LIMCH1: variants seen among roughly 807,000 people sequenced by gnomAD.
LIMCH1 encodes LIM and calponin homology domains-containing protein 1.
A neutral mutation model predicts 176.5 loss-of-function variants in LIMCH1; 113 were observed. The observed-to-expected ratio is 0.64, with a 90% CI of 0.55 to 0.75. The LOEUF is 0.75. Among genes scored for constraint, LIMCH1 ranks in the 30% least tolerant of loss-of-function variants. The pLI is 0.00. For synonymous variants in LIMCH1, 619 were observed against 645.9 expected (o/e 0.96, Z 0.63); for missense variants, 1,674 against 1,814.9 (o/e 0.92, Z 1.41).
At chr4:41,360,608 G>A (rs2154089777), upstream of LIMCH1, 1 of 265,796 alleles carries the variant, frequency 3.8e-6, no homozygotes, top group South Asian at 1.7e-4. The surrounding 1 kb of genome is among the most constrained non-coding windows in gnomAD (Gnocchi z 4.5). Context: ...CGGCGCCTCC[G>A]CGCTCGCTCC....
chr4:41,577,726 G>C (rs2152659827), intron 1 of LIMCH1, among the ~76,000 whole-genome samples: 1 of 152,284 alleles, frequency 6.6e-6, no homozygotes, highest in African/African-American at 2.4e-5. Flanking sequence ...ACCACGCCTT[G>C]CCACAAGTGA....
chr4:41,666,210 A>T lies in LIMCH1; in HGVS notation c.3292-351A>T, dbSNP rs183129019. ...TGGAACATCTAAATCTCCTGACATT[A>T]CAGATTCAGTTTTGTGTGGTACCAT... On this transcript the variant is annotated intron_variant, in intron 20 of 31. Coordinates refer to ENST00000503057, the MANE Select transcript of LIMCH1 (RefSeq NM_001330672.2). Among the ~76,000 whole-genome samples the T allele has an allele frequency of 2.2e-3, 333 of 152,348 alleles. 1 individual carries two copies. The highest frequency in any genetic ancestry group is 7.7e-3 in the African/African-American group (320 of 41,588).
At chr4:41,408,364 G>A (rs532629959) in intron 1 of LIMCH1, among the ~76,000 whole-genome samples, 20 of 152,240 alleles carry the variant, frequency 1.3e-4, no homozygotes, top group African/African-American at 4.6e-4. Flanking sequence ...CTGTGTGGTT[G>A]GATTTCTCTG....
At chr4:41,660,743 G>T (rs992863090) in intron 18 of LIMCH1, among the ~76,000 whole-genome samples, 1 of 152,158 alleles carries the variant, frequency 6.6e-6, no homozygotes, top group Non-Finnish European at 1.5e-5. Flanking sequence ...AGTTATACAC[G>T]GAGAATGTAA....
In LIMCH1 at chr4:41,662,861, G is replaced by A. The variant is rs148257240; in HGVS notation, c.3168G>A (p.Pro1056=). The change falls in exon 20 of 32, where the codon CCG becomes CCA. Residue 1056 remains proline, a synonymous_variant. Transcript: ENST00000503057. Reference sequence around the variant, plus strand: ...CAACAACTGTGACTCGATGCAGCCCGACCGTGGCCTTTGTGGAATTTCCCT... The same window carrying A: ...CAACAACTGTGACTCGATGCAGCCCAACCGTGGCCTTTGTGGAATTTCCCT... ...HFTTTVTRCS[P]TVAFVEFPSS... 2.3e-5 allele frequency: 37 copies of A among 1,614,012 alleles called. No homozygotes were observed. Among genetic ancestry groups the A allele is most frequent in the Non-Finnish European group, 2.6e-5 (31 of 1,179,988 alleles).
At chr4:41,581,561 C>T (rs138001629) in intron 1 of LIMCH1, among the ~76,000 whole-genome samples, 74 of 152,220 alleles carry the variant, frequency 4.9e-4, no homozygotes, top group African/African-American at 1.8e-3. Flanking sequence ...AATCCCAGCA[C>T]TTTGGGAGGC....
At chr4:41,449,971 C>T (rs2063690865) in intron 1 of LIMCH1, among the ~76,000 whole-genome samples, 1 of 152,154 alleles carries the variant, frequency 6.6e-6, no homozygotes, top group South Asian at 2.1e-4. Context: ...CCAGATTCCC[C>T]CTTTATGATG....
intron 3 of LIMCH1, among the ~76,000 whole-genome samples, chr4:41,530,086 G>T (rs7660691): frequency 0.3 from 45,836 of 152,104 alleles, 7,580 homozygotes; most frequent in South Asian, 0.47. Context: ...ATCTGCTTTA[G>T]TTTATGAAAA....
chr4:41,582,021 C>T (rs983208477), intron 1 of LIMCH1, among the ~76,000 whole-genome samples: 17 of 152,210 alleles, frequency 1.1e-4, no homozygotes, highest in African/African-American at 3.6e-4. Flanking sequence ...TTGAAGGACA[C>T]ATAGGTTGTT....
At chr4:41,431,553 G>C (rs1299404596) in intron 1 of LIMCH1, among the ~76,000 whole-genome samples, 1 of 152,134 alleles carries the variant, frequency 6.6e-6, no homozygotes, top group Non-Finnish European at 1.5e-5. Context: ...TTATCTCATG[G>C]GACTACATCA....
chr4:41,620,115 T>G (rs1203467335), intron 6 of LIMCH1: 4 of 314,340 alleles, frequency 1.3e-5, no homozygotes, highest in Non-Finnish European at 2.4e-5. Flanking sequence ...GTACTATTAT[T>G]TTCCATTGAA....
At chr4:41,661,562 A>T (rs761270260) in intron 19 of LIMCH1, 52 bp downstream of exon 19, 1 of 1,251,990 alleles carries the variant, frequency 8.0e-7, no homozygotes. Flanking sequence ...ACTGTTTAAG[A>T]TGTAATGGAA....
At chr4:41,532,200 A>T (rs1193679498) in intron 3 of LIMCH1, among the ~76,000 whole-genome samples, 2 of 152,212 alleles carry the variant, frequency 1.3e-5, no homozygotes, top group African/African-American at 4.8e-5. Context: ...TCTTTGGTGC[A>T]TTCCACCTGC....
intron 1 of LIMCH1, among the ~76,000 whole-genome samples, chr4:41,456,063 A>G (rs1189695578): frequency 6.6e-6 from 1 of 152,002 alleles, no homozygotes; most frequent in Non-Finnish European, 1.5e-5. Context: ...TTTTGCCTGC[A>G]TGAGTTCTTG....
intron 23 of LIMCH1, among the ~76,000 whole-genome samples, chr4:41,677,399 A>G (rs1711728054): frequency 6.6e-6 from 1 of 152,030 alleles, no homozygotes. Flanking sequence ...CAAAAACAAA[A>G]CTCCATCTCA....
Position 41,682,416 on chromosome 4 carries a change from A to T in LIMCH1, c.3801A>T (p.Leu1267Phe), listed in dbSNP as rs570476548. Residue 1267 changes from leucine to phenylalanine, a missense_variant, in exon 26 of 32, where the codon TTA becomes TTT. Coordinates refer to ENST00000503057, the MANE Select transcript of LIMCH1 (RefSeq NM_001330672.2). The part of the protein sequence containing the change: ...KKSFQGDDSD[L>F]LLKTRESDRL... Reference sequence around the variant, plus strand: ...CATTCCAGGGAGATGACAGTGACTTATTGCTGAAGACTAGGGAAAGTGATC... The same window carrying T: ...CATTCCAGGGAGATGACAGTGACTTTTTGCTGAAGACTAGGGAAAGTGATC... The T allele has an allele frequency of 6.2e-7, 1 of 1,613,324 alleles. No homozygotes were observed. The highest frequency in any genetic ancestry group is 8.5e-7 in the Non-Finnish European group (1 of 1,179,440).
chr4:41,530,409 C>CT (rs1286230087), intron 3 of LIMCH1, among the ~76,000 whole-genome samples: 8 of 152,202 alleles, frequency 5.3e-5, no homozygotes, highest in Admixed American at 5.2e-4. Flanking sequence ...AATGTCTTCT[C>CT]TTCTAGAACT....
At chr4:41,582,880 C>T (rs2085760567) in intron 1 of LIMCH1, among the ~76,000 whole-genome samples, 1 of 152,046 alleles carries the variant, frequency 6.6e-6, no homozygotes, top group Non-Finnish European at 1.5e-5. Context: ...GACTGGCATA[C>T]CTGTTAGCTT....
At chr4:41,458,503 G>A (rs1193366093) in intron 1 of LIMCH1, among the ~76,000 whole-genome samples, 5 of 152,050 alleles carry the variant, frequency 3.3e-5, no homozygotes, top group Non-Finnish European at 5.9e-5. Context: ...TGGGCCAGGC[G>A]TGGTGGCTCA....
Sources: allele counts gnomAD v4.1 joint callset (sites outside exome capture counted in the v4.1 genomes callset), GRCh38; gene constraint gnomAD v4.1.1; non-coding constraint Gnocchi (gnomAD v3.1); transcripts MANE v1.5; gene names NCBI Gene and HGNC (gene_info 2026-07-23, HGNC 2026-07-21).